NEBL: variants seen among roughly 807,000 people sequenced by gnomAD.
The protein encoded by NEBL is LIM and SH3 protein 2.
In NEBL, 122 loss-of-function variants were observed where a neutral mutation model predicts 140.2. That is an observed-to-expected ratio of 0.87 (90% CI 0.75 to 1.01). NEBL has a LOEUF of 1.01. Ranked by LOEUF, NEBL falls within the 50% of genes least tolerant of loss-of-function variation. NEBL has a pLI of 0.00. For missense variants in NEBL, 1,365 were observed against 1,231.3 expected, an observed-to-expected ratio of 1.11 and a Z score of -1.62; for synonymous variants, 436 against 398.9, an observed-to-expected ratio of 1.09 and a Z score of -1.11.
intron 13 of NEBL, among the ~76,000 whole-genome samples, chr10:20,837,335 T>C (rs1055869302): frequency 2.0e-5 from 3 of 152,202 alleles, no homozygotes; most frequent in Admixed American, 2.0e-4. Flanking sequence ...GTGGTCTGAA[T>C]AGGTCAAACC....
At chr10:20,992,127 T>C (rs898139797) in intron 3 of NEBL, among the ~76,000 whole-genome samples, 3 of 152,240 alleles carry the variant, frequency 2.0e-5, no homozygotes, top group Non-Finnish European at 4.4e-5. Context: ...TTTTTAAAAG[T>C]AATGAAATAA....
At chr10:21,179,337 C>T (rs952829256), upstream of NEBL, among the ~76,000 whole-genome samples, 7 of 152,152 alleles carry the variant, frequency 4.6e-5, no homozygotes, top group Non-Finnish European at 8.8e-5. Flanking sequence ...CATCAGTTTT[C>T]CCTTTGAGAT....
chr10:20,906,034 C>T (rs1206269738), intron 4 of NEBL, among the ~76,000 whole-genome samples: 1 of 152,096 alleles, frequency 6.6e-6, no homozygotes, highest in East Asian at 1.9e-4. Context: ...CTTCAGAATA[C>T]TCTTTGTGTA....
chr10:21,177,075 C>A (rs983804202), upstream of NEBL, among the ~76,000 whole-genome samples: 4 of 152,098 alleles, frequency 2.6e-5, no homozygotes, highest in African/African-American at 9.7e-5. Context: ...TCCTTCTATT[C>A]TGGCACACTT....
chr10:20,836,379 C>T (rs1446086755), intron 13 of NEBL, among the ~76,000 whole-genome samples: 1 of 152,062 alleles, frequency 6.6e-6, no homozygotes, highest in Non-Finnish European at 1.5e-5. Flanking sequence ...TGCGCCACCA[C>T]ATCCAGCTAA....
intron 2 of NEBL, among the ~76,000 whole-genome samples, chr10:21,076,428 G>C (rs1836080507): frequency 1.9e-5 from 2 of 105,456 alleles, no homozygotes; most frequent in Non-Finnish European, 3.4e-5. Flanking sequence ...CTGGGCAACA[G>C]AGAGAGACTC....
chr10:20,829,500 T>A (rs1370812261), intron 16 of NEBL, among the ~76,000 whole-genome samples: 1 of 151,804 alleles, frequency 6.6e-6, no homozygotes, highest in Non-Finnish European at 1.5e-5. Context: ...GACGAGTTAG[T>A]GGGTGCAGCG....
intron 3 of NEBL, among the ~76,000 whole-genome samples, chr10:21,008,885 T>G (rs1838232608): frequency 6.6e-6 from 1 of 151,802 alleles, no homozygotes; most frequent in Non-Finnish European, 1.5e-5. Flanking sequence ...TTGTATGTAA[T>G]GTATGTATAT....
In NEBL at chr10:20,889,818, C is replaced by G. The variant is rs201899392; in HGVS notation, c.258+27G>C. 75 of 1,360,278 alleles carry G rather than the reference C, an allele frequency of 5.5e-5. No homozygotes were observed. The African/African-American group carries it at 9.0e-4, about 16-fold the overall frequency. The allele number at this position is 1,360,278 out of a possible 1,614,324, so 84.3% of individuals were successfully genotyped here. A position where few individuals can be genotyped will look rare whatever the true frequency, so the allele number is the denominator to read the frequency against. ...ATAATAAGAAAAAGATAAATGCAAG[C>G]CAGTTTGCAAGCTTTTGATACCTTA... On this transcript the variant is annotated intron_variant, in intron 3 of 27. Transcript: ENST00000377122.
At chr10:21,016,540 G>A (rs1337363816) in intron 3 of NEBL, among the ~76,000 whole-genome samples, 6 of 152,086 alleles carry the variant, frequency 3.9e-5, no homozygotes, top group East Asian at 1.9e-4. Flanking sequence ...AATATATTTC[G>A]ATTTTCTTTA....
intron 3 of NEBL, among the ~76,000 whole-genome samples, chr10:21,000,532 T>A (rs1837851944): frequency 1.3e-5 from 2 of 151,922 alleles, no homozygotes; most frequent in Non-Finnish European, 2.9e-5. Flanking sequence ...AGCCACCCAT[T>A]CCCAGGTAAA....
At chr10:21,042,314 T>C (rs1834309370) in intron 2 of NEBL, among the ~76,000 whole-genome samples, 1 of 152,196 alleles carries the variant, frequency 6.6e-6, no homozygotes, top group African/African-American at 2.4e-5. Flanking sequence ...TCCAAAAATC[T>C]AACACAGGCT....
At position 21,161,546 on chromosome 10, in the gene NEBL, A is replaced by G. The variant is rs75051967; in HGVS notation, c.164+10837T>C. 6.2e-3 allele frequency among the ~76,000 whole-genome samples: 949 copies of G among 152,312 alleles called. 45 individuals are homozygous for G. In the East Asian group the frequency reaches 0.12, roughly 20 times the overall value. On this transcript the variant is annotated intron_variant, in intron 2 of 6. Transcript: ENST00000417816. ...CTGACCTCAAGAATGTAATTTGCCAATAGGACAGACTCGTGTATCAATAAA... is the reference window on the plus strand; with the variant it reads ...CTGACCTCAAGAATGTAATTTGCCAGTAGGACAGACTCGTGTATCAATAAA...
chr10:21,215,268 C>CA (rs1841974284), intron 3 of NEBL, among the ~76,000 whole-genome samples: 2 of 152,092 alleles, frequency 1.3e-5, no homozygotes, highest in Admixed American at 1.3e-4. Context: ...ATGATCACGC[C>CA]ACTGTACTTC....
chr10:20,803,812 AATAT>A (rs773980585), intron 26 of NEBL, among the ~76,000 whole-genome samples: 7 of 143,564 alleles, frequency 4.9e-5, no homozygotes, highest in East Asian at 2.0e-4. Context: ...CTGTACGAAA[AATAT>A]ATATATATAT....
At chr10:21,193,815 T>G (rs1841611731) in intron 3 of NEBL, among the ~76,000 whole-genome samples, 1 of 152,200 alleles carries the variant, frequency 6.6e-6, no homozygotes, top group African/African-American at 2.4e-5. Flanking sequence ...TATTTGTTGT[T>G]GTGGAGATTT....
At chr10:21,247,069 G>T (rs1842526141) in intron 3 of NEBL, among the ~76,000 whole-genome samples, 1 of 151,998 alleles carries the variant, frequency 6.6e-6, no homozygotes, top group Non-Finnish European at 1.5e-5. Flanking sequence ...TCTCTCCCCT[G>T]TTCCACCATG....
At chr10:20,852,290 A>G (rs553640858) in intron 10 of NEBL, among the ~76,000 whole-genome samples, 11 of 152,192 alleles carry the variant, frequency 7.2e-5, no homozygotes, top group Non-Finnish European at 1.5e-4. Flanking sequence ...CTATCTTGTA[A>G]CTTTTTAATT....
intron 3 of NEBL, among the ~76,000 whole-genome samples, chr10:21,233,652 A>ATATATATATATATAT: frequency 6.9e-6 from 1 of 145,208 alleles, no homozygotes; most frequent in African/African-American, 2.5e-5. Flanking sequence ...ATCTATATAT[A>ATATATATATATATAT]CATATATAGA....
Sources: gnomAD v4.1 joint callset for allele counts (sites outside exome capture counted in the v4.1 genomes callset) on GRCh38, gnomAD v4.1.1 for gene constraint, MANE v1.5 for transcripts, NCBI Gene and HGNC (gene_info 2026-07-23, HGNC 2026-07-21) for gene names.